TSPAN3: variants seen among roughly 807,000 people sequenced by gnomAD.
TSPAN3 encodes tetraspanin-3.
In TSPAN3, 9 loss-of-function variants were observed where a neutral mutation model predicts 31.1. The observed-to-expected ratio is 0.29, with a 90% CI of 0.17 to 0.50. The LOEUF (loss-of-function observed/expected upper bound fraction) is 0.50, where lower values mean the gene tolerates loss of function less well. TSPAN3 is among the 20% of genes least tolerant of loss of function. The probability of loss-of-function intolerance (pLI) is 0.98; values close to 1 mark genes in which losing one functional copy is unlikely to be tolerated. For missense variants in TSPAN3, 252 were observed against 313.5 expected, an observed-to-expected ratio of 0.80 and a Z score of 1.48; for synonymous variants, 129 against 114.3, an observed-to-expected ratio of 1.13 and a Z score of -0.82.
chr15:77,067,482 C>T (rs2076840313), intron 1 of TSPAN3, among the ~76,000 whole-genome samples: 2 of 152,256 alleles, frequency 1.3e-5, no homozygotes, highest in Non-Finnish European at 1.5e-5. Context: ...TAAACTTTGA[C>T]CCTTGTTAAC....
chr15:77,047,691 T>G (rs571902345), intron 6 of TSPAN3, among the ~76,000 whole-genome samples: 5 of 152,338 alleles, frequency 3.3e-5, no homozygotes, highest in African/African-American at 1.2e-4. Context: ...CATGTTATTT[T>G]GGATAAGCAA....
At chr15:77,054,409 T>C in intron 3 of TSPAN3, 130 bp from the exon 4 acceptor site, 2 of 630,704 alleles carry the variant, frequency 3.2e-6, no homozygotes, top group Non-Finnish European at 5.6e-6. Flanking sequence ...TGTAAAGTTT[T>C]CTCCCTTCCT....
chr15:77,070,982 C>A lies in TSPAN3; in HGVS notation c.-28G>T. The stretch of plus-strand genomic sequence containing the variant: ...CGCCGGTGGCCCGCGAAGGCCCGGC[C>A]CGGAGAGCGGGGCTGCGCTCACCGA... On this transcript the variant is annotated 5_prime_UTR_variant, in exon 1 of 7. Coordinates refer to ENST00000267970, the MANE Select transcript of TSPAN3 (RefSeq NM_005724.6). 1 of 1,411,756 alleles carries A rather than the reference C, an allele frequency of 7.1e-7. No individual in the cohort carries two copies. Among genetic ancestry groups the A allele is most frequent in the Non-Finnish European group, 9.3e-7 (1 of 1,074,128 alleles). The allele number at this position is 1,411,756 out of a possible 1,614,324, so 87.5% of individuals were successfully genotyped here.
In TSPAN3 at chr15:77,071,027, G is replaced by C; in HGVS notation, c.-73C>G. 1 of 1,137,158 alleles carries C rather than the reference G, an allele frequency of 8.8e-7. No individual in the cohort carries two copies. Among genetic ancestry groups the C allele is most frequent in the Non-Finnish European group, 1.1e-6 (1 of 871,492 alleles). The allele number at this position is 1,137,158 out of a possible 1,614,324, so 70.4% of individuals were successfully genotyped here. On this transcript the variant is annotated 5_prime_UTR_variant, in exon 1 of 7. Transcript: ENST00000267970. Reference sequence around the variant, plus strand: ...CACCGAGAGAGCGGCAATGGCGGCGGCGCCTCCTCGCTAGGAACTGCACGG... The same window carrying C: ...CACCGAGAGAGCGGCAATGGCGGCGCCGCCTCCTCGCTAGGAACTGCACGG...
chr15:77,052,968 C>A (rs1297787511), intron 4 of TSPAN3, 39 bp from the exon 5 acceptor site: 2 of 1,582,872 alleles, frequency 1.3e-6, no homozygotes, highest in Non-Finnish European at 1.7e-6. Context: ...CTCACAAAAA[C>A]CAAATACCTG....
intron 1 of TSPAN3, chr15:77,067,978 T>A (rs1295722118): frequency 6.6e-6 from 1 of 152,182 alleles, no homozygotes; most frequent in African/African-American, 2.4e-5. Flanking sequence ...TCAGTCAACC[T>A]TAATGTTCTC....
intron 1 of TSPAN3, 51 bp downstream of exon 1, chr15:77,070,841 G>A (rs767457199): frequency 8.7e-7 from 1 of 1,145,886 alleles, no homozygotes; most frequent in South Asian, 3.1e-5. Flanking sequence ...CCTCCGCCGC[G>A]GCCTCGCCCG....
At chr15:77,047,804 A>G (rs1046104525) in intron 6 of TSPAN3, among the ~76,000 whole-genome samples, 1 of 152,202 alleles carries the variant, frequency 6.6e-6, no homozygotes, top group Non-Finnish European at 1.5e-5. Context: ...CTAACTTCTC[A>G]TTGATGAGGA....
chr15:77,069,648 C>A (rs976517916), intron 1 of TSPAN3, among the ~76,000 whole-genome samples: 11 of 152,158 alleles, frequency 7.2e-5, no homozygotes, highest in Non-Finnish European at 1.3e-4. Context: ...TGCTTTTTAA[C>A]ATATAACCAT....
intron 1 of TSPAN3, among the ~76,000 whole-genome samples, chr15:77,062,026 C>T (rs1262887410): frequency 6.6e-6 from 1 of 152,170 alleles, no homozygotes; most frequent in East Asian, 1.9e-4. Flanking sequence ...AAATGCTGTA[C>T]TCTAGACTTT....
chr15:77,070,806 G>GGCCCAA (rs2076864215), intron 1 of TSPAN3, 86 bp downstream of exon 1: 3 of 831,614 alleles, frequency 3.6e-6, no homozygotes, highest in Non-Finnish European at 4.4e-6. Context: ...CGCCCGCCCA[G>GGCCCAA]GCCCAAGCCC....
intron 1 of TSPAN3, among the ~76,000 whole-genome samples, chr15:77,059,739 T>C (rs1368038533): frequency 1.3e-5 from 2 of 152,236 alleles, no homozygotes; most frequent in East Asian, 1.9e-4. Context: ...CTTTAGCCTA[T>C]GTAAATTCGA....
chr15:77,052,568 A>T, intron 5 of TSPAN3, 100 bp from the exon 6 acceptor site: 8 of 1,260,536 alleles, frequency 6.3e-6, no homozygotes, highest in Non-Finnish European at 9.1e-6. Context: ...AATGACAGAA[A>T]CTGAAAGAGT....
At chr15:77,066,993 G>A (rs1023200538) in intron 1 of TSPAN3, among the ~76,000 whole-genome samples, 1 of 152,014 alleles carries the variant, frequency 6.6e-6, no homozygotes, top group Non-Finnish European at 1.5e-5. Flanking sequence ...GCTGGCTCAC[G>A]TCTCTCTGCC....
At chr15:77,062,886 G>A (rs1401366394) in intron 1 of TSPAN3, among the ~76,000 whole-genome samples, 1 of 151,992 alleles carries the variant, frequency 6.6e-6, no homozygotes, top group East Asian at 1.9e-4. Flanking sequence ...GGTGTGATAG[G>A]GGAAAAAACA....
intron 1 of TSPAN3, among the ~76,000 whole-genome samples, chr15:77,057,311 C>T (rs779317752): frequency 1.1e-4 from 17 of 152,188 alleles, no homozygotes; most frequent in Non-Finnish European, 2.4e-4. Flanking sequence ...AGAAGTATTT[C>T]ATCATCCTTT....
intron 1 of TSPAN3, among the ~76,000 whole-genome samples, chr15:77,067,019 A>G (rs576216006): frequency 6.6e-6 from 1 of 152,052 alleles, no homozygotes; most frequent in East Asian, 2.0e-4. Flanking sequence ...TTATAAAGCC[A>G]CCAGTCCCAT....
At position 77,046,800 on chromosome 15, in the gene TSPAN3, G is replaced by C. The variant is rs1177186716; in HGVS notation, c.*35C>G. The C allele has an allele frequency of 2.0e-6, 3 of 1,519,858 alleles. No individual in the cohort carries two copies. In the East Asian group the frequency reaches 7.2e-5, roughly 36 times the overall value. 94.1% of individuals were successfully genotyped at this position (1,519,858 alleles called of 1,614,324 possible). A position where few individuals can be genotyped will look rare whatever the true frequency, so the allele number is the denominator to read the frequency against. On this transcript the variant is annotated 3_prime_UTR_variant, in exon 7 of 7. Coordinates refer to ENST00000267970, the MANE Select transcript of TSPAN3 (RefSeq NM_005724.6). ...CCTGCTCAATTCACCTTCCAAATCA[G>C]AACAAGACCAAAAAGCTCAGGCTTG...
intron 1 of TSPAN3, among the ~76,000 whole-genome samples, chr15:77,067,112 C>A (rs955528246): frequency 6.6e-6 from 1 of 152,108 alleles, no homozygotes; most frequent in Non-Finnish European, 1.5e-5. Flanking sequence ...CCAATCACCT[C>A]TTAAAGGCCC....
Sources: gnomAD v4.1 joint callset for allele counts (sites outside exome capture counted in the v4.1 genomes callset) on GRCh38, gnomAD v4.1.1 for gene constraint, MANE v1.5 for transcripts, NCBI Gene and HGNC (gene_info 2026-07-23, HGNC 2026-07-21) for gene names.